BAIAP2L1: variants seen among roughly 807,000 people sequenced by gnomAD.
BAIAP2L1 encodes BAR/IMD domain containing adaptor protein 2 like 1.
A neutral mutation model predicts 66.3 loss-of-function variants in BAIAP2L1; 35 were observed. That is an observed-to-expected ratio of 0.53 (90% confidence interval 0.40 to 0.70). The LOEUF (loss-of-function observed/expected upper bound fraction) is 0.70, where lower values mean the gene tolerates loss of function less well. Among genes scored for constraint, BAIAP2L1 ranks in the 30% least tolerant of loss-of-function variants. The pLI is 0.00. For missense variants in BAIAP2L1, 622 were observed against 656.9 expected (o/e 0.95, Z 0.58); for synonymous variants, 269 against 248.7 (o/e 1.08, Z -0.77).
At position 98,293,608 on chromosome 7, in the gene BAIAP2L1, A is replaced by T; in HGVS notation, c.1461-12T>A. 1 of 1,610,874 alleles carries T rather than the reference A, an allele frequency of 6.2e-7. No homozygotes were observed. The highest frequency in any genetic ancestry group is 1.1e-5 in the South Asian group (1 of 91,036). ...AGGGGTTTTCTCCGCTGCAGGGGAT[A>T]AGAAAAATCTTTCAGAACTTCTGCT... On this transcript the variant is annotated splice_polypyrimidine_tract_variant and intron_variant, in intron 13 of 13. Coordinates refer to ENST00000005260, the MANE Select transcript of BAIAP2L1 (RefSeq NM_018842.5).
chr7:98,352,429 G>A (rs1802020209), intron 3 of BAIAP2L1, among the ~76,000 whole-genome samples: 1 of 152,158 alleles, frequency 6.6e-6, no homozygotes, highest in African/African-American at 2.4e-5. Flanking sequence ...GTCACCCGAG[G>A]TCAGGAGTTT....
chr7:98,324,870 C>T (rs1801339902), intron 3 of BAIAP2L1, among the ~76,000 whole-genome samples: 1 of 152,178 alleles, frequency 6.6e-6, no homozygotes, highest in Non-Finnish European at 1.5e-5. Flanking sequence ...ACTAATGCAC[C>T]TGAACTGCAT....
chr7:98,345,601 T>G (rs1276818127), intron 3 of BAIAP2L1, among the ~76,000 whole-genome samples: 2 of 152,042 alleles, frequency 1.3e-5, no homozygotes, highest in East Asian at 3.9e-4. Context: ...GGGGGGGTAC[T>G]GTAGTCCCAG....
chr7:98,345,927 A>G (rs1224579557), intron 3 of BAIAP2L1, among the ~76,000 whole-genome samples: 4 of 152,090 alleles, frequency 2.6e-5, no homozygotes, highest in Non-Finnish European at 4.4e-5. Context: ...AAAAAAAAAA[A>G]AGAGACAATA....
chr7:98,373,389 A>G (rs550706330), intron 1 of BAIAP2L1, among the ~76,000 whole-genome samples: 1 of 152,326 alleles, frequency 6.6e-6, no homozygotes, highest in South Asian at 2.1e-4. Context: ...TTGGTTACCT[A>G]TTGGTCTATA....
intron 1 of BAIAP2L1, among the ~76,000 whole-genome samples, chr7:98,383,866 G>A (rs141832743): frequency 6.6e-6 from 1 of 152,166 alleles, no homozygotes; most frequent in Non-Finnish European, 1.5e-5. Flanking sequence ...TGAAGAAAGA[G>A]CTCCAGGCCG....
At position 98,293,517 on chromosome 7, in the gene BAIAP2L1, C is replaced by A. The variant is rs1260329952; in HGVS notation, c.*4G>T. ...GAGGCCCGGGAGAGTCCTTGGCTGTCCTCTCATCGAATGATGGGTGCCGAG... is the reference window on the plus strand; with the variant it reads ...GAGGCCCGGGAGAGTCCTTGGCTGTACTCTCATCGAATGATGGGTGCCGAG... On this transcript the variant is annotated 3_prime_UTR_variant, in exon 14 of 14. Transcript: ENST00000005260. The A allele has an allele frequency of 3.9e-5, 63 of 1,612,412 alleles. No homozygotes were observed. The Admixed American group carries it at 9.7e-4, about 25-fold the overall frequency.
At chr7:98,368,909 C>T (rs1802448432) in intron 1 of BAIAP2L1, among the ~76,000 whole-genome samples, 1 of 151,816 alleles carries the variant, frequency 6.6e-6, no homozygotes, top group Non-Finnish European at 1.5e-5. Flanking sequence ...TTGACAATTC[C>T]AAGCAAAGCT....
chr7:98,356,528 G>A (rs973983423), intron 2 of BAIAP2L1, among the ~76,000 whole-genome samples: 1 of 151,702 alleles, frequency 6.6e-6, no homozygotes, highest in African/African-American at 2.4e-5. Context: ...GCAGAGTCTT[G>A]TTCTTTCACC....
At chr7:98,382,344 G>A (rs1802779257) in intron 1 of BAIAP2L1, among the ~76,000 whole-genome samples, 1 of 152,126 alleles carries the variant, frequency 6.6e-6, no homozygotes, top group Non-Finnish European at 1.5e-5. Flanking sequence ...CTTTAACCTA[G>A]TTCAAGATTA....
intron 3 of BAIAP2L1, among the ~76,000 whole-genome samples, chr7:98,351,115 C>T (rs1204234512): frequency 2.0e-5 from 3 of 152,150 alleles, no homozygotes; most frequent in African/African-American, 7.2e-5. Context: ...CCCGCCTTGG[C>T]CTTCCAAAGT....
intron 10 of BAIAP2L1, 98 bp downstream of exon 10, chr7:98,307,591 A>C: frequency 6.5e-7 from 1 of 1,535,296 alleles, no homozygotes; most frequent in Non-Finnish European, 8.8e-7. Context: ...AACTTTGGCT[A>C]AAATGTGAGC....
At chr7:98,340,795 T>G (rs1396206763) in intron 3 of BAIAP2L1, among the ~76,000 whole-genome samples, 1 of 146,240 alleles carries the variant, frequency 6.8e-6, no homozygotes. Context: ...TCTTACAGGT[T>G]TTTTTTTTTT....
chr7:98,393,018 TAC>T (rs1491265258), intron 1 of BAIAP2L1, among the ~76,000 whole-genome samples: 4 of 137,108 alleles, frequency 2.9e-5, no homozygotes, highest in South Asian at 2.4e-4. Context: ...TGTATATATA[TAC>T]ATACACACAT....
chr7:98,293,935 C>T, intron 13 of BAIAP2L1, 139 bp downstream of exon 13: 1 of 987,692 alleles, frequency 1.0e-6, no homozygotes, highest in Non-Finnish European at 1.5e-6. Context: ...GAGCAGGGGG[C>T]TGCACTCCCC....
intron 1 of BAIAP2L1, among the ~76,000 whole-genome samples, chr7:98,368,901 G>A (rs1410918260): frequency 1.3e-5 from 2 of 150,930 alleles, no homozygotes; most frequent in South Asian, 2.1e-4. Context: ...TCCAGGTTTT[G>A]ACAATTCCAA....
At chr7:98,357,063 T>G (rs1319437820) in intron 2 of BAIAP2L1, among the ~76,000 whole-genome samples, 72 of 96,858 alleles carry the variant, frequency 7.4e-4, no homozygotes, top group African/African-American at 2.9e-3. Flanking sequence ...TTTTTTTTTT[T>G]TTTTTAAGAG....
chr7:98,388,276 C>T (rs935571908), intron 1 of BAIAP2L1, among the ~76,000 whole-genome samples: 13 of 152,198 alleles, frequency 8.5e-5, no homozygotes, highest in African/African-American at 3.1e-4. Flanking sequence ...CAAGTACATA[C>T]AACCATCGGG....
At chr7:98,355,575 A>T (rs78622137) in intron 2 of BAIAP2L1, 123 of 164,606 alleles carry the variant, frequency 7.5e-4, no homozygotes, top group African/African-American at 2.8e-3. Context: ...AAAAAAATAC[A>T]TAAATTAGCC....
Sources: gnomAD v4.1 joint callset for allele counts (sites outside exome capture counted in the v4.1 genomes callset) on GRCh38, gnomAD v4.1.1 for gene constraint, MANE v1.5 for transcripts, NCBI Gene and HGNC (gene_info 2026-07-23, HGNC 2026-07-21) for gene names.